The following SLC35A3 variants were observed in gnomAD, a reference collection of about 807,000 sequenced individuals.
SLC35A3 encodes the protein UDP-N-acetylglucosamine transporter.
Under a neutral mutation model 39.0 loss-of-function variants are expected in SLC35A3, and 26 were observed. The observed-to-expected ratio is 0.67, with a 90% CI of 0.49 to 0.92. The LOEUF (loss-of-function observed/expected upper bound fraction) is 0.92. Ranked by LOEUF, SLC35A3 falls within the 40% of genes least tolerant of loss-of-function variation. SLC35A3 has a pLI of 0.00. For synonymous variants in SLC35A3, 135 were observed against 133.1 expected (o/e 1.01, Z -0.10); for missense variants, 299 against 371.6 (o/e 0.80, Z 1.61).
At chr1:99,997,493 T>C (rs1385503342) in intron 2 of SLC35A3, among the ~76,000 whole-genome samples, 1 of 135,144 alleles carries the variant, frequency 7.4e-6, no homozygotes, top group African/African-American at 2.8e-5. Context: ...TATTATCACA[T>C]ACCAGGCACA....
intron 3 of SLC35A3, among the ~76,000 whole-genome samples, chr1:100,004,135 G>A (rs1173955702): frequency 6.6e-6 from 1 of 151,982 alleles, no homozygotes; most frequent in Non-Finnish European, 1.5e-5. Context: ...TGGTACATGG[G>A]GATTATTCCT....
Position 100,017,879 on chromosome 1 carries a change from T to A in SLC35A3, c.887+64T>A, listed in dbSNP as rs554931095. 25 of 933,204 alleles carry A rather than the reference T, an allele frequency of 2.7e-5. No individual in the cohort carries two copies. In the African/African-American group the frequency reaches 4.2e-4, roughly 16 times the overall value. 57.8% of individuals were successfully genotyped at this position (933,204 alleles called of 1,614,324 possible). A position where few individuals can be genotyped will look rare whatever the true frequency, so the allele number is the denominator to read the frequency against. ...TATATAGAAAAATTAGAATTCTTTG[T>A]AAGGTGATCTGATAAATTTGAAGAA... On this transcript the variant is annotated intron_variant, in intron 7 of 7. Transcript: ENST00000533028.
chr1:100,013,746 CAT>C (rs1201242637), intron 5 of SLC35A3, among the ~76,000 whole-genome samples: 6 of 152,042 alleles, frequency 3.9e-5, no homozygotes, highest in East Asian at 1.9e-4. Context: ...AATACCATCA[CAT>C]GTGTTTTTGT....
At chr1:99,981,926 A>G (rs926271743) in intron 1 of SLC35A3, among the ~76,000 whole-genome samples, 4 of 152,046 alleles carry the variant, frequency 2.6e-5, no homozygotes, top group African/African-American at 9.7e-5. Context: ...TATACAGACT[A>G]TACGTTGGTG....
chr1:99,970,728 TA>T (rs1656757758), intron 1 of SLC35A3: 1 of 856,664 alleles, frequency 1.2e-6, no homozygotes, highest in Admixed American at 2.7e-5. Flanking sequence ...TGCTTTATAG[TA>T]AAAGACGATC....
At chr1:100,016,222 G>A (rs1396176865) in intron 6 of SLC35A3, among the ~76,000 whole-genome samples, 3 of 151,546 alleles carry the variant, frequency 2.0e-5, no homozygotes, top group Admixed American at 2.0e-4. Context: ...GTGCCACCAC[G>A]CCCAGCTAAT....
intron 7 of SLC35A3, among the ~76,000 whole-genome samples, chr1:100,021,686 A>C (rs768904771): frequency 1.1e-4 from 16 of 152,250 alleles, no homozygotes; most frequent in African/African-American, 2.4e-4. Context: ...AAGAAAAAAA[A>C]AAGTTAATAT....
Position 100,027,434 on chromosome 1 carries a change from A to G in SLC35A3, c.*4958A>G. The G allele has an allele frequency of 2.7e-6, 1 of 372,908 alleles. No individual in the cohort carries two copies. The highest frequency in any genetic ancestry group is 4.8e-6 in the Non-Finnish European group (1 of 210,302). 23.1% of individuals were successfully genotyped at this position (372,908 alleles called of 1,614,324 possible). Reference sequence around the variant, plus strand: ...ACTACTGGACTCTAGCCTGAGTGACAGTGAGACTCTGTCTCAAAAAACAAA... The same window carrying G: ...ACTACTGGACTCTAGCCTGAGTGACGGTGAGACTCTGTCTCAAAAAACAAA... On this transcript the variant is annotated 3_prime_UTR_variant, in exon 8 of 8. Transcript: ENST00000533028.
At chr1:100,003,754 A>C (rs557535809) in intron 3 of SLC35A3, among the ~76,000 whole-genome samples, 69 of 152,304 alleles carry the variant, frequency 4.5e-4, no homozygotes, top group Non-Finnish European at 8.7e-4. Flanking sequence ...ATTGGAGTCT[A>C]TCTCTCTCTT....
chr1:100,015,695 T>C (rs1414149289), intron 6 of SLC35A3: 3 of 359,462 alleles, frequency 8.3e-6, no homozygotes, highest in Non-Finnish European at 1.5e-5. Context: ...AAGGCAAATA[T>C]AACTTTTGAT....
chr1:99,975,057 C>A (rs983799412), intron 1 of SLC35A3: 4 of 152,100 alleles, frequency 2.6e-5, no homozygotes, highest in Admixed American at 6.6e-5. Flanking sequence ...GATCTCCCAC[C>A]TTAGCCTCCC....
chr1:99,997,082 C>T (rs1039500718), intron 2 of SLC35A3, among the ~76,000 whole-genome samples: 1 of 151,766 alleles, frequency 6.6e-6, no homozygotes, highest in African/African-American at 2.4e-5. Flanking sequence ...GGCCATTTTT[C>T]ATGACTGTTA....
chr1:100,022,451 C>A lies in SLC35A3; in HGVS notation c.953C>A (p.Pro318His), dbSNP rs1660620996. 1.2e-6 allele frequency: 2 copies of A among 1,602,696 alleles called. No homozygotes were observed. The highest frequency in any genetic ancestry group is 1.7e-6 in the Non-Finnish European group (2 of 1,171,178). Residue 318 changes from proline to histidine, a missense_variant, in exon 8 of 8, where the codon CCT becomes CAT. Transcript: ENST00000533028. ...ATFLYGYDPK[P>H]AGNPTKA ...TTTTTGTATGGTTATGATCCCAAACCTGCAGGAAATCCCACTAAAGCATAG... is the reference window on the plus strand; with the variant it reads ...TTTTTGTATGGTTATGATCCCAAACATGCAGGAAATCCCACTAAAGCATAG...
At position 99,977,894 on chromosome 1, in the gene SLC35A3, T is replaced by C. The variant is rs575405248; in HGVS notation, c.-19+7732T>C. The stretch of plus-strand genomic sequence containing the variant: ...AAATCACTGGAAAATGCTAGAACCT[T>C]GTAATGTTAGTACGTGGGGAGCAAT... On this transcript the variant is annotated intron_variant, in intron 1 of 7. Transcript: ENST00000533028. Among the ~76,000 whole-genome samples the C allele has an allele frequency of 3.9e-5, 6 of 152,290 alleles. No individual in the cohort carries two copies. The East Asian group carries it at 9.7e-4, about 25-fold the overall frequency.
chr1:99,980,865 C>T (rs932845998), intron 1 of SLC35A3, among the ~76,000 whole-genome samples: 48 of 152,140 alleles, frequency 3.2e-4, no homozygotes, highest in African/African-American at 1.1e-3. Context: ...AAATTACTTT[C>T]TACTTATTTC....
At position 100,011,565 on chromosome 1, in the gene SLC35A3, A is replaced by T. The variant is rs761260591; in HGVS notation, c.634+32A>T. ...TTTAAATGTTTTCTAATATTATTTTAAAAATGATTATATTGTTATATTTAA... is the reference window on the plus strand; with the variant it reads ...TTTAAATGTTTTCTAATATTATTTTTAAAATGATTATATTGTTATATTTAA... On this transcript the variant is annotated intron_variant, in intron 5 of 7. Coordinates refer to ENST00000533028, the MANE Select transcript of SLC35A3 (RefSeq NM_012243.3). 1.0e-5 allele frequency: 9 copies of T among 868,010 alleles called. No homozygotes were observed. The South Asian group carries it at 2.4e-4, about 23-fold the overall frequency. The allele number at this position is 868,010 out of a possible 1,614,324, so 53.8% of individuals were successfully genotyped here.
At chr1:99,971,885 T>C (rs1308357041) in intron 1 of SLC35A3, among the ~76,000 whole-genome samples, 2 of 152,120 alleles carry the variant, frequency 1.3e-5, no homozygotes, top group African/African-American at 4.8e-5. Context: ...ATCCAGTTCA[T>C]TCTTTTTTTC....
intron 7 of SLC35A3, among the ~76,000 whole-genome samples, chr1:100,021,809 G>A (rs1660571308): frequency 6.6e-6 from 1 of 152,300 alleles, no homozygotes. Context: ...TGCATTTAAT[G>A]TAATTTCCCT....
At chr1:99,983,745 C>A (rs942372035) in intron 1 of SLC35A3, among the ~76,000 whole-genome samples, 2 of 151,570 alleles carry the variant, frequency 1.3e-5, no homozygotes, top group African/African-American at 4.8e-5. Flanking sequence ...CCTGCCTCAG[C>A]CCCCTGAGTA....
Sources: gnomAD v4.1 joint callset for allele counts (sites outside exome capture counted in the v4.1 genomes callset) on GRCh38, gnomAD v4.1.1 for gene constraint, MANE v1.5 for transcripts, NCBI Gene and HGNC (gene_info 2026-07-23, HGNC 2026-07-21) for gene names.